LIMK2: variants seen among roughly 807,000 people sequenced by gnomAD.
LIMK2 encodes the protein LIM domain kinase 2.
Under a neutral mutation model 75.7 loss-of-function variants are expected in LIMK2, and 35 were observed. That is an observed-to-expected ratio of 0.46 (90% CI 0.35 to 0.61). The LOEUF (loss-of-function observed/expected upper bound fraction) is 0.61. LIMK2 is among the 20% of genes least tolerant of loss of function. The probability of loss-of-function intolerance (pLI) is 0.00; values close to 1 mark genes in which losing one functional copy is unlikely to be tolerated. For missense variants in LIMK2, 623 were observed against 831.0 expected, an observed-to-expected ratio of 0.75 and a Z score of 3.08; for synonymous variants, 301 against 319.2, an observed-to-expected ratio of 0.94 and a Z score of 0.61.
chr22:31,270,963 G>A (rs1346400807), intron 11 of LIMK2, among the ~76,000 whole-genome samples, 173 bp from the exon 12 acceptor site: 5 of 152,318 alleles, frequency 3.3e-5, no homozygotes, highest in African/African-American at 1.2e-4. Context: ...CAGGCTTCCT[G>A]TTGGTATTGG....
chr22:31,242,542 T>C (rs991526648), intron 2 of LIMK2, among the ~76,000 whole-genome samples: 4 of 152,224 alleles, frequency 2.6e-5, no homozygotes, highest in African/African-American at 9.6e-5. Context: ...CTTTTTTCAA[T>C]ATATTGGGAA....
chr22:31,217,569 G>A (rs77664819), intron 1 of LIMK2, among the ~76,000 whole-genome samples: 7,062 of 152,272 alleles, frequency 0.046, 255 homozygotes, highest in Non-Finnish European at 0.069. Context: ...TCATACTTGC[G>A]TAGTGCTTAG....
At chr22:31,230,158 G>A (rs2048515496) in intron 2 of LIMK2, 1 of 144,654 alleles carries the variant, frequency 6.9e-6, no homozygotes, top group African/African-American at 2.6e-5. Flanking sequence ...AAACACTATT[G>A]TACTTGGACC....
chr22:31,257,040 A>ATTTTT (rs529919320), intron 2 of LIMK2, among the ~76,000 whole-genome samples: 870 of 74,972 alleles, frequency 0.012, 41 homozygotes, highest in Middle Eastern at 0.018. Context: ...GGAGCTATAG[A>ATTTTT]TTTTTTTTTT....
At chr22:31,227,692 A>G (rs558595311) in intron 2 of LIMK2, among the ~76,000 whole-genome samples, 28 of 152,228 alleles carry the variant, frequency 1.8e-4, no homozygotes, top group Admixed American at 4.6e-4. Flanking sequence ...TCAAAACCCA[A>G]TGAGTTCACA....
At chr22:31,275,090 C>T (rs2048999632) in intron 14 of LIMK2, 61 bp from the exon 15 acceptor site, 4 of 1,540,866 alleles carry the variant, frequency 2.6e-6, no homozygotes, top group Middle Eastern at 1.7e-4. Context: ...CATCCCTTTC[C>T]CTTGCCAAGT....
chr22:31,248,521 A>C (rs1163104582), intron 2 of LIMK2: 20 of 1,575,666 alleles, frequency 1.3e-5, no homozygotes, highest in Non-Finnish European at 1.7e-5. Flanking sequence ...CCCCTGTGGG[A>C]ATCTGCTGGG....
At position 31,268,185 on chromosome 22, in the gene LIMK2, A is replaced by T; in HGVS notation, c.1302A>T (p.Gly434=). 1 of 1,614,002 alleles carries T rather than the reference A, an allele frequency of 6.2e-7. No homozygotes were observed. Among genetic ancestry groups the T allele is most frequent in the Non-Finnish European group, 8.5e-7 (1 of 1,179,914 alleles). ...AGCAGAAGGTCAGGTTTGCCAAAGG[A>T]ATCGCCTCCGGAATGGTGAGTCCCA... ...PWQQKVRFAK[G]IASGMAYLHS... is the part of the protein sequence containing the mutation. Residue 434 remains glycine, a synonymous_variant, in exon 11 of 16, where the codon GGA becomes GGT. Coordinates refer to ENST00000331728, the MANE Select transcript of LIMK2 (RefSeq NM_005569.4).
chr22:31,242,438 A>G (rs2048630636), intron 2 of LIMK2, among the ~76,000 whole-genome samples: 1 of 152,248 alleles, frequency 6.6e-6, no homozygotes, highest in Non-Finnish European at 1.5e-5. Context: ...GGTATATAGT[A>G]GATATGGAAC....
rs900921924 is a variant in LIMK2, at chr22:31,278,623, T to C, written c.*182T>C. The C allele has an allele frequency of 1.0e-5, 5 of 502,026 alleles. No individual in the cohort carries two copies. Among genetic ancestry groups the C allele is most frequent in the Non-Finnish European group, 1.7e-5 (5 of 295,172 alleles). 31.1% of individuals were successfully genotyped at this position (502,026 alleles called of 1,614,324 possible). A position where few individuals can be genotyped will look rare whatever the true frequency, so the allele number is the denominator to read the frequency against. On this transcript the variant is annotated 3_prime_UTR_variant, in exon 16 of 16. Coordinates refer to ENST00000331728, the MANE Select transcript of LIMK2 (RefSeq NM_005569.4). Reference sequence around the variant, plus strand: ...GGGCGCAGCACCAGGGAAATGTATCTCCACAGGTTCTGGGGCCTAGTTACT... The same window carrying C: ...GGGCGCAGCACCAGGGAAATGTATCCCCACAGGTTCTGGGGCCTAGTTACT...
chr22:31,265,368 AAATAAT>A (rs1458169080), intron 7 of LIMK2, among the ~76,000 whole-genome samples: 1 of 151,928 alleles, frequency 6.6e-6, no homozygotes, highest in Admixed American at 6.6e-5. Context: ...TCTGTCTCAA[AAATAAT>A]AATAATAACA....
In LIMK2 at chr22:31,262,506, G is replaced by A; in HGVS notation, c.658-89G>A. On this transcript the variant is annotated intron_variant, in intron 6 of 15. Transcript: ENST00000331728. The surrounding 1 kb of genome is among the most constrained non-coding windows in gnomAD (Gnocchi z 5.0). ...GCCACCATTAGACAAGTTGAGCACTGGCCACACTGTGCCTGAGTCATCTGG... is the reference window on the plus strand; with the variant it reads ...GCCACCATTAGACAAGTTGAGCACTAGCCACACTGTGCCTGAGTCATCTGG... The A allele has an allele frequency of 7.7e-7, 1 of 1,298,706 alleles. No homozygotes were observed. Among genetic ancestry groups the A allele is most frequent in the South Asian group, 1.3e-5 (1 of 74,372 alleles). The allele number at this position is 1,298,706 out of a possible 1,614,324, so 80.4% of individuals were successfully genotyped here. A position where few individuals can be genotyped will look rare whatever the true frequency, so the allele number is the denominator to read the frequency against.
At chr22:31,248,374 T>G (rs1184019212) in intron 2 of LIMK2, 5 of 1,303,692 alleles carry the variant, frequency 3.8e-6, no homozygotes, top group Non-Finnish European at 5.0e-6. Context: ...ACAGCAGCGC[T>G]TCTTTCTTAG....
intron 12 of LIMK2, among the ~76,000 whole-genome samples, chr22:31,271,972 G>T (rs1455831705): frequency 6.6e-6 from 1 of 152,224 alleles, no homozygotes; most frequent in Non-Finnish European, 1.5e-5. Flanking sequence ...CAGTGGCTCT[G>T]CCATGAACCC....
chr22:31,272,422 A>C, intron 12 of LIMK2, 108 bp from the exon 13 acceptor site: 1 of 1,037,288 alleles, frequency 9.6e-7, no homozygotes, highest in Non-Finnish European at 1.4e-6. Flanking sequence ...CTCCCTTGCT[A>C]TACACCTTTT....
rs539651821 is a variant in LIMK2 at position 31,235,251 on chromosome 22, C to T, written c.116+9432C>T. On this transcript the variant is annotated intron_variant, in intron 2 of 15. Transcript: ENST00000331728. The stretch of plus-strand genomic sequence containing the variant: ...AGATATGATGTAAGTCAGGCTTTTC[C>T]CTGCCCTTCCCCTTCCCCTTCCCCA... Among the ~76,000 whole-genome samples the T allele has an allele frequency of 6.7e-4, 102 of 152,174 alleles. 2 individuals are homozygous for T. The highest frequency in any genetic ancestry group is 2.3e-3 in the African/African-American group (96 of 41,500).
chr22:31,215,949 C>G (rs2048385843), intron 1 of LIMK2, among the ~76,000 whole-genome samples: 1 of 152,188 alleles, frequency 6.6e-6, no homozygotes, highest in Non-Finnish European at 1.5e-5. Flanking sequence ...GTGCTAAACT[C>G]TTTTGGCCCC....
At chr22:31,241,546 C>T (rs2048623993) in intron 2 of LIMK2, among the ~76,000 whole-genome samples, 1 of 152,214 alleles carries the variant, frequency 6.6e-6, no homozygotes, top group Non-Finnish European at 1.5e-5. Context: ...TCTGACACAG[C>T]ATTCATTCTC....
intron 2 of LIMK2, among the ~76,000 whole-genome samples, chr22:31,227,247 G>C (rs1323693984): frequency 3.9e-5 from 6 of 152,226 alleles, no homozygotes; most frequent in African/African-American, 7.2e-5. Context: ...GGTCTGAAGT[G>C]GTAGGGCTGT....
Sources: allele counts gnomAD v4.1 joint callset (sites outside exome capture counted in the v4.1 genomes callset), GRCh38; gene constraint gnomAD v4.1.1; non-coding constraint Gnocchi (gnomAD v3.1); transcripts MANE v1.5; gene names NCBI Gene and HGNC (gene_info 2026-07-23, HGNC 2026-07-21).